The following TRABD2B variants were observed in gnomAD, a reference collection of about 807,000 sequenced individuals.
TRABD2B encodes metalloprotease TIKI2.
TRABD2B carries 14 observed loss-of-function variants against 40.1 expected under a neutral mutation model. The ratio of observed to expected loss-of-function variants is 0.35; its 90% confidence interval spans 0.23 to 0.55. TRABD2B has a LOEUF of 0.55. TRABD2B is among the 20% of genes least tolerant of loss of function. The probability of loss-of-function intolerance (pLI) is 0.90; values close to 1 mark genes in which losing one functional copy is unlikely to be tolerated. For missense variants in TRABD2B, 541 were observed against 648.6 expected (o/e 0.83, Z 1.80); for synonymous variants, 263 against 277.0 (o/e 0.95, Z 0.50).
intron 4 of TRABD2B, among the ~76,000 whole-genome samples, chr1:47,785,971 C>T (rs775811294): frequency 2.0e-5 from 3 of 152,196 alleles, no homozygotes; most frequent in Non-Finnish European, 4.4e-5. Context: ...TTCTGCCCCT[C>T]GACCCCAGTG....
intron 2 of TRABD2B, among the ~76,000 whole-genome samples, chr1:47,991,296 G>A (rs765980023): frequency 1.6e-4 from 24 of 152,144 alleles, no homozygotes; most frequent in Non-Finnish European, 3.1e-4. Context: ...CTCCTGCAGG[G>A]TGCCTGGCAC....
intron 4 of TRABD2B, among the ~76,000 whole-genome samples, chr1:47,790,441 G>T (rs1644655925): frequency 6.6e-6 from 1 of 152,176 alleles, no homozygotes; most frequent in South Asian, 2.1e-4. Flanking sequence ...GCCTGCTCAA[G>T]GTTGTCACAC....
rs75347791 is a variant in TRABD2B, at chr1:47,973,240, G to C, written c.666+20794C>G. ...AGGCACACAGGGCCTGGGCCAGCAG[G>C]GGGCAGCCCCCGCAGCCAGGTCTCT... On this transcript the variant is annotated intron_variant, in intron 2 of 6. Coordinates refer to ENST00000606738, the MANE Select transcript of TRABD2B (RefSeq NM_001194986.2). 3.9e-4 allele frequency among the ~76,000 whole-genome samples: 60 copies of C among 152,332 alleles called. 1 individual carries two copies. The East Asian group carries it at 9.1e-3, about 23-fold the overall frequency.
At chr1:47,876,800 C>T (rs530379495) in intron 2 of TRABD2B, among the ~76,000 whole-genome samples, 16 of 152,302 alleles carry the variant, frequency 1.1e-4, no homozygotes, top group South Asian at 1.0e-3. Context: ...TCTTTATATA[C>T]GCACATACTA....
At chr1:47,884,751 G>A (rs1644349209) in intron 2 of TRABD2B, among the ~76,000 whole-genome samples, 1 of 151,924 alleles carries the variant, frequency 6.6e-6, no homozygotes, top group South Asian at 2.1e-4. Context: ...AAGTAGCTGG[G>A]ACTACAGGTG....
At chr1:47,835,247 G>A (rs1377337346) in intron 2 of TRABD2B, among the ~76,000 whole-genome samples, 1 of 152,004 alleles carries the variant, frequency 6.6e-6, no homozygotes, top group African/African-American at 2.4e-5. Flanking sequence ...TTCAGTCTGA[G>A]GAACAAAAAG....
chr1:47,917,113 A>G (rs1216949272), intron 2 of TRABD2B, among the ~76,000 whole-genome samples: 4 of 152,224 alleles, frequency 2.6e-5, no homozygotes, highest in Non-Finnish European at 4.4e-5. Flanking sequence ...GTCATGGACC[A>G]AGTCCAGCAC....
intron 2 of TRABD2B, among the ~76,000 whole-genome samples, chr1:47,982,944 C>T (rs72692197): frequency 0.028 from 4,199 of 152,274 alleles, 95 homozygotes; most frequent in Non-Finnish European, 0.046. Context: ...GCAGGCCTCA[C>T]CATGCGGGTT....
chr1:47,924,597 G>A (rs1644946798), intron 2 of TRABD2B, among the ~76,000 whole-genome samples: 1 of 152,132 alleles, frequency 6.6e-6, no homozygotes, highest in African/African-American at 2.4e-5. Flanking sequence ...TTGACCCCCA[G>A]CTGTGGAGGG....
chr1:47,769,374 G>A (rs1644349783), intron 6 of TRABD2B, among the ~76,000 whole-genome samples: 1 of 152,276 alleles, frequency 6.6e-6, no homozygotes, highest in South Asian at 2.1e-4. Flanking sequence ...TAGGAGTTAT[G>A]AATACTATGT....
At chr1:47,992,057 T>A (rs1646019901) in intron 2 of TRABD2B, among the ~76,000 whole-genome samples, 1 of 152,098 alleles carries the variant, frequency 6.6e-6, no homozygotes, top group Non-Finnish European at 1.5e-5. Context: ...TGGCAGGTGG[T>A]GAAGGGTATG....
At position 47,764,007 on chromosome 1, in the gene TRABD2B, A is replaced by C. The variant is rs1644272185; in HGVS notation, c.*1895T>G. 1 of 152,264 alleles carries C rather than the reference A, an allele frequency of 6.6e-6. No individual in the cohort carries two copies. The highest frequency in any genetic ancestry group is 2.4e-5 in the African/African-American group (1 of 41,460). The allele number at this position is 152,264 out of a possible 1,614,324, so 9.4% of individuals were successfully genotyped here. A position where few individuals can be genotyped will look rare whatever the true frequency, so the allele number is the denominator to read the frequency against. On this transcript the variant is annotated 3_prime_UTR_variant, in exon 7 of 7. Transcript: ENST00000606738. Reference sequence around the variant, plus strand: ...AGCTCCAGTCTCCTGCCAGGTCTCAAGCTCAAACACGTCCATCAGGGCTGA... The same window carrying C: ...AGCTCCAGTCTCCTGCCAGGTCTCACGCTCAAACACGTCCATCAGGGCTGA...
intron 2 of TRABD2B, among the ~76,000 whole-genome samples, chr1:47,825,830 T>C (rs1049301744): frequency 6.6e-6 from 1 of 150,592 alleles, no homozygotes; most frequent in African/African-American, 2.5e-5. Context: ...GCTCTAACAG[T>C]GTGTAGGGCC....
At chr1:47,868,932 C>T (rs887594026) in intron 2 of TRABD2B, among the ~76,000 whole-genome samples, 1 of 152,152 alleles carries the variant, frequency 6.6e-6, no homozygotes, top group Non-Finnish European at 1.5e-5. Flanking sequence ...ACTCTTCATC[C>T]CAACAGTCCC....
chr1:47,997,342 C>G lies in TRABD2B; in HGVS notation c.-553G>C. On this transcript the variant is annotated 5_prime_UTR_variant, in exon 1 of 7. Coordinates refer to ENST00000606738, the MANE Select transcript of TRABD2B (RefSeq NM_001194986.2). ...GGCGGGCGGCCGCGCGGCCGCTGCC[C>G]GGGCTCCGCCATGCTGCTCCGCGGC... The G allele has an allele frequency of 2.7e-6, 1 of 374,154 alleles. No individual in the cohort carries two copies. The highest frequency in any genetic ancestry group is 3.6e-6 in the Non-Finnish European group (1 of 277,114). The allele number at this position is 374,154 out of a possible 1,614,324, so 23.2% of individuals were successfully genotyped here.
At chr1:47,924,276 C>T (rs901277465) in intron 2 of TRABD2B, among the ~76,000 whole-genome samples, 3 of 152,188 alleles carry the variant, frequency 2.0e-5, no homozygotes, top group African/African-American at 7.2e-5. Context: ...GGTTTACCCC[C>T]TTCAGAACCA....
intron 2 of TRABD2B, among the ~76,000 whole-genome samples, chr1:47,947,613 C>T (rs908192620): frequency 2.0e-5 from 3 of 151,976 alleles, no homozygotes; most frequent in Admixed American, 1.3e-4. Context: ...GGAGTTCGGG[C>T]GTCAATTGAG....
chr1:47,873,007 T>C (rs1644167051), intron 2 of TRABD2B, among the ~76,000 whole-genome samples: 1 of 152,212 alleles, frequency 6.6e-6, no homozygotes, highest in Non-Finnish European at 1.5e-5. Flanking sequence ...ATTCAGTGCC[T>C]GGTGGGGCCC....
chr1:47,863,934 C>G (rs1570152952), intron 2 of TRABD2B, among the ~76,000 whole-genome samples: 1 of 152,134 alleles, frequency 6.6e-6, no homozygotes, highest in Admixed American at 6.5e-5. Flanking sequence ...AATTGGCCAT[C>G]AAGCCATGAA....
Sources: allele counts gnomAD v4.1 joint callset (sites outside exome capture counted in the v4.1 genomes callset), GRCh38; gene constraint gnomAD v4.1.1; transcripts MANE v1.5; gene names NCBI Gene and HGNC (gene_info 2026-07-23, HGNC 2026-07-21).